Variants in EPB41L1 observed in about 807,000 individuals in gnomAD.
EPB41L1 encodes band 4.1-like protein 1.
EPB41L1 carries 29 observed loss-of-function variants against 97.8 expected under a neutral mutation model. The observed-to-expected ratio is 0.30, with a 90% CI of 0.22 to 0.40. EPB41L1 has a LOEUF of 0.40. EPB41L1 is among the 10% of genes least tolerant of loss of function. The probability of loss-of-function intolerance (pLI) is 1.00; values close to 1 mark genes in which losing one functional copy is unlikely to be tolerated. For synonymous variants in EPB41L1, 383 were observed against 459.2 expected (o/e 0.83, Z 2.12); for missense variants, 812 against 1,162.3 (o/e 0.70, Z 4.38).
rs2063831211 is a variant in EPB41L1, at chr20:36,222,379, G to T, written c.2622G>T (p.Arg874Ser). ...AAACAGACCCATCCCCAGAGGAGAG[G>T]GACAAGAAGCCACAGGTAAGGCTCC... The part of the protein sequence containing the change: ...YRETDPSPEE[R>S]DKKPQES The change falls in exon 21 of 22, where the codon AGG becomes AGT. Residue 874 changes from arginine to serine, a missense_variant. Around this residue, in one of 3 missense-constraint regions of EPB41L1, gnomAD observed 498 missense variants for 622.7 expected, o/e 0.80. Transcript: ENST00000338074. The T allele has an allele frequency of 6.2e-7, 1 of 1,613,780 alleles. No homozygotes were observed. The highest frequency in any genetic ancestry group is 1.7e-5 in the Admixed American group (1 of 59,998).
upstream of EPB41L1, among the ~76,000 whole-genome samples, chr20:36,153,399 G>C (rs2060136823): frequency 6.6e-6 from 1 of 152,142 alleles, no homozygotes; most frequent in Admixed American, 6.5e-5. Flanking sequence ...CTCACATCGA[G>C]GCTGCTTCCC....
At position 36,159,846 on chromosome 20, in the gene EPB41L1, G is replaced by C. The variant is rs571177478; in HGVS notation, c.-15+4950G>C. Among the ~76,000 whole-genome samples the C allele has an allele frequency of 3.3e-5, 5 of 152,342 alleles. No homozygotes were observed. In the South Asian group the frequency reaches 8.3e-4, roughly 25 times the overall value. ...AGTCTTCTTTCTGTTTTTACTAGCT[G>C]TGAGGCAATTGGCAAGTTAATTAAT... On this transcript the variant is annotated intron_variant, in intron 1 of 21. Transcript: ENST00000338074.
chr20:36,154,424 AGC>A (rs2060186574), upstream of EPB41L1, among the ~76,000 whole-genome samples: 1 of 151,434 alleles, frequency 6.6e-6, no homozygotes, highest in Non-Finnish European at 1.5e-5. The surrounding 1 kb of genome is among the most constrained non-coding windows in gnomAD (Gnocchi z 5.5). Context: ...GAGGCCCCCC[AGC>A]TGCACAGTCC....
rs111923692 is a variant in EPB41L1, at chr20:36,232,366, TC to T, written c.*3027del. 1 of 359,226 alleles carries T rather than the reference TC, an allele frequency of 2.8e-6. No individual in the cohort carries two copies. 22.3% of individuals were successfully genotyped at this position (359,226 alleles called of 1,614,324 possible). A position where few individuals can be genotyped will look rare whatever the true frequency, so the allele number is the denominator to read the frequency against. ...TCAGCTCCTAACTCACCATGTGACATCAGGCTATCCCCATTCCCCCTCTTGG... is the reference window on the plus strand; with the variant it reads ...TCAGCTCCTAACTCACCATGTGACATAGGCTATCCCCATTCCCCCTCTTGG... On this transcript the variant is annotated 3_prime_UTR_variant, in exon 22 of 22. Coordinates refer to ENST00000338074, the MANE Select transcript of EPB41L1 (RefSeq NM_012156.2).
intron 21 of EPB41L1, among the ~76,000 whole-genome samples, chr20:36,225,322 G>A (rs191238182): frequency 4.6e-5 from 7 of 152,300 alleles, no homozygotes; most frequent in Admixed American, 2.6e-4. Flanking sequence ...GAGTGGTAGA[G>A]TGTAGGCCAC....
intron 7 of EPB41L1, 95 bp from the exon 8 acceptor site, chr20:36,187,581 C>G (rs1464221006): frequency 3.5e-5 from 35 of 1,011,046 alleles, no homozygotes; most frequent in Non-Finnish European, 4.7e-5. Context: ...ATTTGACTTT[C>G]TAGAATCATG....
chr20:36,172,624 G>C (rs1456201462), intron 1 of EPB41L1, among the ~76,000 whole-genome samples: 1 of 152,116 alleles, frequency 6.6e-6, no homozygotes, highest in Admixed American at 6.5e-5. Context: ...TTTTGGAGAA[G>C]GAGTCTCACA....
intron 2 of EPB41L1, among the ~76,000 whole-genome samples, chr20:36,120,363 C>T (rs571401263): frequency 6.6e-6 from 1 of 152,296 alleles, no homozygotes; most frequent in Non-Finnish European, 1.5e-5. Flanking sequence ...GTAGAGCACA[C>T]AGGAGGAAAA....
At chr20:36,099,571 C>G (rs2057943386) in intron 1 of EPB41L1, among the ~76,000 whole-genome samples, 1 of 152,156 alleles carries the variant, frequency 6.6e-6, no homozygotes, top group African/African-American at 2.4e-5. Context: ...CCCAGCCCAG[C>G]CCGCTCCTCT....
chr20:36,222,253 TTCC>T, intron 20 of EPB41L1, 22 bp from the exon 21 acceptor site: 1 of 1,583,152 alleles, frequency 6.3e-7, no homozygotes, highest in Non-Finnish European at 8.7e-7. Context: ...TCATGGTTCC[TTCC>T]TTTGCTGTTC....
intron 9 of EPB41L1, among the ~76,000 whole-genome samples, chr20:36,189,949 C>G: frequency 6.6e-6 from 1 of 152,136 alleles, no homozygotes; most frequent in East Asian, 1.9e-4. Flanking sequence ...TTTTGGGAGG[C>G]TGAGGTGGGA....
intron 14 of EPB41L1, among the ~76,000 whole-genome samples, chr20:36,204,471 CTTTTTTTTT>C (rs765673962): frequency 4.4e-5 from 4 of 90,606 alleles, no homozygotes; most frequent in African/African-American, 2.3e-4. Context: ...CGATCTGGTG[CTTTTTTTTT>C]TTTTTTTTTT....
intron 2 of EPB41L1, among the ~76,000 whole-genome samples, chr20:36,143,711 TGTGA>T (rs1185900501): frequency 6.6e-6 from 1 of 152,082 alleles, no homozygotes; most frequent in Non-Finnish European, 1.5e-5. Context: ...TATGTGTGTG[TGTGA>T]GTGTGACTTT....
At chr20:36,210,531 C>T (rs748097699) in intron 15 of EPB41L1, among the ~76,000 whole-genome samples, 1 of 152,140 alleles carries the variant, frequency 6.6e-6, no homozygotes, top group South Asian at 2.1e-4. Context: ...CCCTCCTACA[C>T]TCTCCTTTCC....
chr20:36,108,918 C>G (rs2058291428), intron 1 of EPB41L1, among the ~76,000 whole-genome samples: 1 of 151,898 alleles, frequency 6.6e-6, no homozygotes, highest in African/African-American at 2.4e-5. Flanking sequence ...CTGGACAGCC[C>G]CATAGCCTTG....
At chr20:36,132,950 G>A (rs1223526836) in intron 2 of EPB41L1, among the ~76,000 whole-genome samples, 2 of 152,264 alleles carry the variant, frequency 1.3e-5, no homozygotes, top group Non-Finnish European at 2.9e-5. Context: ...GCTTGTGGGT[G>A]TGTGCACTCA....
intron 1 of EPB41L1, among the ~76,000 whole-genome samples, chr20:36,162,465 G>T (rs188915062): frequency 1.1e-3 from 163 of 152,320 alleles, no homozygotes; most frequent in African/African-American, 3.8e-3. Flanking sequence ...CCTTGAAACT[G>T]ACTAGCCATG....
chr20:36,154,700 C>T, upstream of EPB41L1: 2 of 983,650 alleles, frequency 2.0e-6, no homozygotes, highest in Non-Finnish European at 2.4e-6. This position sits in a 1 kb window ranked among gnomAD's most constrained non-coding sequence, Gnocchi z 5.5. Context: ...TGCCCAGCCC[C>T]TGGCGCACGC....
intron 1 of EPB41L1, among the ~76,000 whole-genome samples, chr20:36,106,525 G>C (rs1342635351): frequency 6.6e-6 from 1 of 152,174 alleles, no homozygotes; most frequent in Non-Finnish European, 1.5e-5. Context: ...GAGGTTTGAG[G>C]GGTCAGTGAA....
Sources: gnomAD v4.1 joint callset for allele counts (sites outside exome capture counted in the v4.1 genomes callset) on GRCh38, gnomAD v4.1.1 for gene constraint, gnomAD v4.1.1 regional missense constraint, Gnocchi (gnomAD v3.1) non-coding constraint, MANE v1.5 for transcripts, NCBI Gene and HGNC (gene_info 2026-07-23, HGNC 2026-07-21) for gene names.